NRG3: variants seen among roughly 807,000 people sequenced by gnomAD.
NRG3 encodes pro-neuregulin-3, membrane-bound isoform.
A neutral mutation model predicts 66.9 loss-of-function variants in NRG3; 31 were observed. The ratio of observed to expected loss-of-function variants is 0.46; its 90% CI spans 0.35 to 0.63. The LOEUF (loss-of-function observed/expected upper bound fraction) is 0.63, where lower values mean the gene tolerates loss of function less well. Ranked by LOEUF, NRG3 falls within the 20% of genes least tolerant of loss-of-function variation. The probability of loss-of-function intolerance (pLI) is 0.00; values close to 1 mark genes in which losing one functional copy is unlikely to be tolerated. For missense variants in NRG3, 910 were observed against 878.9 expected, an observed-to-expected ratio of 1.04 and a Z score of -0.45; for synonymous variants, 393 against 359.4, an observed-to-expected ratio of 1.09 and a Z score of -1.06.
chr10:82,904,978 A>C (rs1179611773), intron 4 of NRG3, among the ~76,000 whole-genome samples: 1 of 152,224 alleles, frequency 6.6e-6, no homozygotes, highest in Non-Finnish European at 1.5e-5. Context: ...AATTTATAGT[A>C]TGCCTGACAA....
intron 2 of NRG3, among the ~76,000 whole-genome samples, chr10:82,718,341 C>A (rs1042606149): frequency 5.3e-5 from 8 of 152,130 alleles, no homozygotes; most frequent in Non-Finnish European, 1.2e-4. Flanking sequence ...GTTGTGGTTT[C>A]CGTATACCAA....
intron 2 of NRG3, among the ~76,000 whole-genome samples, chr10:82,666,133 C>G (rs41409044): frequency 6.6e-6 from 1 of 152,106 alleles, no homozygotes; most frequent in Non-Finnish European, 1.5e-5. Flanking sequence ...ATGGCTACTA[C>G]TTCTTTACAG....
chr10:82,130,954 A>G (rs1313170050), intron 1 of NRG3, among the ~76,000 whole-genome samples: 2 of 152,136 alleles, frequency 1.3e-5, no homozygotes, highest in East Asian at 1.9e-4. Flanking sequence ...CCCTTGCCAC[A>G]TGGATAATTT....
At chr10:82,641,790 C>T (rs2050602342) in intron 2 of NRG3, among the ~76,000 whole-genome samples, 1 of 152,092 alleles carries the variant, frequency 6.6e-6, no homozygotes, top group Non-Finnish European at 1.5e-5. Context: ...ATTAAAACAA[C>T]AAACTAATAA....
chr10:82,838,977 A>T (rs1342998537), intron 3 of NRG3, among the ~76,000 whole-genome samples: 5 of 152,254 alleles, frequency 3.3e-5, no homozygotes, highest in African/African-American at 1.2e-4. Flanking sequence ...CCTCTTATAA[A>T]ACCATCAGAT....
At chr10:82,865,296 G>A (rs1840600843) in intron 3 of NRG3, 115 bp from the exon 4 acceptor site, 2 of 967,556 alleles carry the variant, frequency 2.1e-6, no homozygotes, top group South Asian at 3.0e-5. Context: ...TAAAATTGAG[G>A]CTGTGCCTTG....
At chr10:82,288,161 C>G (rs1398282692) in intron 1 of NRG3, among the ~76,000 whole-genome samples, 3 of 152,060 alleles carry the variant, frequency 2.0e-5, no homozygotes, top group Non-Finnish European at 2.9e-5. Context: ...TTGTGGAGCC[C>G]AATTCCATTC....
chr10:82,665,744 G>C (rs1278126786), intron 2 of NRG3, among the ~76,000 whole-genome samples: 1 of 152,030 alleles, frequency 6.6e-6, no homozygotes, highest in Non-Finnish European at 1.5e-5. Flanking sequence ...GAACATTTCT[G>C]AGTGCTTATT....
At chr10:81,932,229 TGAGAGAGAG>T (rs529052121) in intron 1 of NRG3, among the ~76,000 whole-genome samples, 22 of 115,910 alleles carry the variant, frequency 1.9e-4, no homozygotes, top group East Asian at 1.2e-3. Context: ...AGAGAGAGAT[TGAGAGAGAG>T]GAGAGAGAGG....
chr10:82,821,836 G>A (rs1331814325), intron 3 of NRG3, among the ~76,000 whole-genome samples: 2 of 152,070 alleles, frequency 1.3e-5, no homozygotes, highest in African/African-American at 2.4e-5. Flanking sequence ...TACATAAAAA[G>A]GCTGACACTC....
intron 4 of NRG3, among the ~76,000 whole-genome samples, chr10:82,903,530 A>C (rs1844438372): frequency 6.6e-6 from 1 of 152,134 alleles, no homozygotes; most frequent in Non-Finnish European, 1.5e-5. Flanking sequence ...CCGTGGATTG[A>C]GGCCTGCAGC....
intron 2 of NRG3, among the ~76,000 whole-genome samples, chr10:82,719,615 T>C (rs999296680): frequency 1.3e-5 from 2 of 152,180 alleles, no homozygotes; most frequent in African/African-American, 4.8e-5. Context: ...CAACAGCAGC[T>C]AGGTTCATCT....
intron 2 of NRG3, among the ~76,000 whole-genome samples, chr10:82,480,412 C>G (rs895826617): frequency 1.3e-5 from 2 of 152,138 alleles, no homozygotes; most frequent in Non-Finnish European, 2.9e-5. Flanking sequence ...TTTCTGTATA[C>G]TAAGCTGACT....
chr10:82,065,879 A>C lies in NRG3; in HGVS notation c.823+189716A>C, dbSNP rs577690733. The stretch of plus-strand genomic sequence containing the variant: ...GTATATCCCAACTCTTTGTGTAGTT[A>C]AAAATTATAAATCAAATTGCTCTTT... On this transcript the variant is annotated intron_variant, in intron 1 of 8. Coordinates refer to ENST00000372141, the MANE Select transcript of NRG3 (RefSeq NM_001010848.4). Among the ~76,000 whole-genome samples, 5 of 152,304 alleles carry C rather than the reference A, an allele frequency of 3.3e-5. 2 individuals carry two copies. The highest frequency in any genetic ancestry group is 1.2e-4 in the African/African-American group (5 of 41,568).
chr10:82,795,060 A>G (rs1391587893), intron 3 of NRG3, among the ~76,000 whole-genome samples: 1 of 152,244 alleles, frequency 6.6e-6, no homozygotes, highest in African/African-American at 2.4e-5. Context: ...AAAATACAGA[A>G]GTAAAATGAA....
At chr10:82,938,521 T>A (rs983003143) in intron 4 of NRG3, among the ~76,000 whole-genome samples, 3 of 152,260 alleles carry the variant, frequency 2.0e-5, no homozygotes, top group African/African-American at 7.2e-5. Context: ...CCTGCGCACC[T>A]ATGCAAAGAG....
At chr10:82,548,280 A>C (rs1432755259) in intron 2 of NRG3, among the ~76,000 whole-genome samples, 1 of 152,128 alleles carries the variant, frequency 6.6e-6, no homozygotes, top group East Asian at 1.9e-4. Flanking sequence ...AGATTATTAT[A>C]AATTTCTAGC....
At chr10:81,964,875 C>T (rs1245607523) in intron 1 of NRG3, among the ~76,000 whole-genome samples, 1 of 152,096 alleles carries the variant, frequency 6.6e-6, no homozygotes, top group Non-Finnish European at 1.5e-5. Flanking sequence ...ATTTGTATTT[C>T]ATCTTCTGTG....
chr10:82,707,422 A>G (rs2265392), intron 2 of NRG3, among the ~76,000 whole-genome samples: 148,900 of 151,942 alleles, frequency 0.98, 72,974 homozygotes, highest in East Asian at 1. Context: ...GTGTAGTGGC[A>G]CAAACAACCT....
Sources: allele counts gnomAD v4.1 joint callset (sites outside exome capture counted in the v4.1 genomes callset), GRCh38; gene constraint gnomAD v4.1.1; transcripts MANE v1.5; gene names NCBI Gene and HGNC (gene_info 2026-07-23, HGNC 2026-07-21).